Variants in OR2B2 observed in about 807,000 individuals in gnomAD.
The protein encoded by OR2B2 is olfactory receptor 2B2.
For synonymous variants in OR2B2, 137 were observed against 150.9 expected (o/e 0.91, Z 0.67); for missense variants, 362 against 422.4 (o/e 0.86, Z 1.25).
Position 27,911,278 on chromosome 6 carries a change from A to T in OR2B2, c.1042T>A (p.Tyr348Asn), listed in dbSNP as rs775993954. The T allele has an allele frequency of 2.5e-6, 4 of 1,581,244 alleles. No individual in the cohort carries two copies. In the African/African-American group the frequency reaches 5.5e-5, roughly 22 times the overall value. ...AATTTTCTTTGAGGGAGATTACAAT[A>T]GTTTTCTATAGTAATGACAAAAATA... ...CPIFVITIEN[Y>N]CNLPQRKFP Residue 348 changes from tyrosine to asparagine, a missense_variant, in exon 1 of 1, where the codon TAT becomes AAT. Coordinates refer to ENST00000303324, the MANE Select transcript of OR2B2 (RefSeq NM_033057.2).
Position 27,912,069 on chromosome 6 carries a change from T to G in OR2B2, c.251A>C (p.Asn84Thr). Residue 84 changes from asparagine (N) to threonine (T), a missense_variant, in exon 1 of 1, where the codon AAC (asparagine) becomes ACC (threonine). Physicochemically the swap from Asn to Thr is moderately conservative, Grantham distance 65 (BLOSUM62 0). Coordinates refer to ENST00000303324, the MANE Select transcript of OR2B2 (RefSeq NM_033057.2). ...GATTACTTTCCTGGTGTTGCATATG[T>G]TTACCAGCATTTGTGGAACTGTACT... The part of the protein sequence containing the change: ...TTSTVPQMLV[N>T]ICNTRKVISY... 1 of 1,614,192 alleles carries G rather than the reference T, an allele frequency of 6.2e-7. No individual in the cohort carries two copies.
At position 27,912,356 on chromosome 6, in the gene OR2B2, G is replaced by C. The variant is rs1464160462; in HGVS notation, c.-37C>G. 1 of 1,303,844 alleles carries C rather than the reference G, an allele frequency of 7.7e-7. No individual in the cohort carries two copies. The highest frequency in any genetic ancestry group is 1.5e-5 in the African/African-American group (1 of 67,562). 80.8% of individuals were successfully genotyped at this position (1,303,844 alleles called of 1,614,324 possible). ...CAACTCTTCGTTCTCTGAAATATAA[G>C]AAGTCAGGAAGTTAACAACACACTT... On this transcript the variant is annotated 5_prime_UTR_variant, in exon 1 of 1. Transcript: ENST00000303324.
rs1385046991 is a variant in OR2B2 at position 27,911,673 on chromosome 6, A to T, written c.647T>A (p.Ile216Lys). The T allele has an allele frequency of 4.3e-6, 7 of 1,613,968 alleles. No individual in the cohort carries two copies. The highest frequency in any genetic ancestry group is 5.1e-6 in the Non-Finnish European group (6 of 1,180,000). ...FLLIPVTLIL[I>K]SYAFIVQAVL... ...TGCTTGGACAATAAAAGCATACGATATAAGGATGAGTGTCACGGGTATTAG... is the reference window on the plus strand; with the variant it reads ...TGCTTGGACAATAAAAGCATACGATTTAAGGATGAGTGTCACGGGTATTAG... Residue 216 changes from isoleucine (I) to lysine (K), a missense_variant, in exon 1 of 1, where the codon ATA (isoleucine) becomes AAA (lysine). By Grantham distance (102) the Ile-to-Lys change is moderately radical. Coordinates refer to ENST00000303324, the MANE Select transcript of OR2B2 (RefSeq NM_033057.2).
At position 27,911,188 on chromosome 6, in the gene OR2B2, AT is replaced by A; in HGVS notation, c.*57del. The A allele has an allele frequency of 8.7e-7, 1 of 1,149,692 alleles. No homozygotes were observed. 71.2% of individuals were successfully genotyped at this position (1,149,692 alleles called of 1,614,324 possible). A position where few individuals can be genotyped will look rare whatever the true frequency, so the allele number is the denominator to read the frequency against. ...CAGTTTTTGGTGCATTGGAAGGCCA[AT>A]TCTGGGGGCTTGTTCAATGAAAATG... On this transcript the variant is annotated 3_prime_UTR_variant, in exon 1 of 1. Coordinates refer to ENST00000303324, the MANE Select transcript of OR2B2 (RefSeq NM_033057.2).
In OR2B2 at chr6:27,911,197, G is replaced by T; in HGVS notation, c.*49C>A. ...GTGCATTGGAAGGCCAATTCTGGGG[G>T]CTTGTTCAATGAAAATGTTTAGGCA... On this transcript the variant is annotated 3_prime_UTR_variant, in exon 1 of 1. Transcript: ENST00000303324. The T allele has an allele frequency of 8.3e-7, 1 of 1,207,596 alleles. No individual in the cohort carries two copies. Among genetic ancestry groups the T allele is most frequent in the Non-Finnish European group, 1.2e-6 (1 of 852,960 alleles). 74.8% of individuals were successfully genotyped at this position (1,207,596 alleles called of 1,614,324 possible).
rs766189013 is a variant in OR2B2, at chr6:27,911,480, G to T, written c.840C>A (p.Ile280=). ...TAAGGGGATTCAGCATGGGTGCAATGATTCCACAGAAGAGAGAAACCATCT... is the reference window on the plus strand; with the variant it reads ...TAAGGGGATTCAGCATGGGTGCAATTATTCCACAGAAGAGAGAAACCATCT... ...RGKMVSLFCG[I]IAPMLNPLIY... is the part of the protein sequence containing the mutation. The change falls in exon 1 of 1, where the codon ATC becomes ATA. Residue 280 remains isoleucine, a synonymous_variant. Coordinates refer to ENST00000303324, the MANE Select transcript of OR2B2 (RefSeq NM_033057.2). 1.2e-6 allele frequency: 2 copies of T among 1,614,174 alleles called. No homozygotes were observed. Among genetic ancestry groups the T allele is most frequent in the Non-Finnish European group, 1.7e-6 (2 of 1,180,028 alleles).
At position 27,911,869 on chromosome 6, in the gene OR2B2, T is replaced by G. The variant is rs371559998; in HGVS notation, c.451A>C (p.Ser151Arg). Residue 151 changes from serine to arginine, a missense_variant, in exon 1 of 1, where the codon AGT becomes CGT. Physicochemically the swap from Ser to Arg is moderately radical, Grantham distance 110 (BLOSUM62 -1). Transcript: ENST00000303324. ...CFQLAAASWISGFSNSVLQST... is the reference protein window; with the variant it reads ...CFQLAAASWIRGFSNSVLQST... ...TGTAATACTGAATTGCTAAAGCCAC[T>G]AATCCAGGATGCAGCTGCCAACTGG... The G allele has an allele frequency of 8.8e-5, 142 of 1,614,044 alleles. 1 individual carries two copies. The highest frequency in any genetic ancestry group is 1.6e-4 in the South Asian group (15 of 91,080).
chr6:27,911,368 G>A lies in OR2B2; in HGVS notation c.952C>T (p.Gln318Ter). The change falls in exon 1 of 1, where the codon CAA becomes TAA. Residue 318 changes from glutamine (Q) to a stop codon, truncating the protein, a stop_gained. Coordinates refer to ENST00000303324, the MANE Select transcript of OR2B2 (RefSeq NM_033057.2). LOFTEE classifies it low-confidence loss of function (END_TRUNC). ...GTGTCTTTAGCAAAGCTTATCATTT[G>A]CATATTTCTTATTTCTTGATTAAGA... is the stretch of plus-strand genomic sequence containing the variant. ...SLLNQEIRNM[Q>*]MISFAKDTVL... The A allele has an allele frequency of 1.2e-6, 2 of 1,613,904 alleles. No individual in the cohort carries two copies. The highest frequency in any genetic ancestry group is 2.2e-5 in the South Asian group (2 of 91,060).
rs1561758818 is a variant in OR2B2, at chr6:27,911,993, G to C, written c.327C>G (p.Ser109=). The part of the protein sequence containing the change: ...AQLFIFLALG[S]TECLLLAVMC... ...TGACGGCCAGGAGAAGACATTCTGT[G>C]GAACCCAAGGCCAGGAAAATGAAAA... The change falls in exon 1 of 1, where the codon TCC becomes TCG. Residue 109 remains serine (S), a synonymous_variant. Coordinates refer to ENST00000303324, the MANE Select transcript of OR2B2 (RefSeq NM_033057.2). 3 of 1,614,176 alleles carry C rather than the reference G, an allele frequency of 1.9e-6. No individual in the cohort carries two copies. Among genetic ancestry groups the C allele is most frequent in the Non-Finnish European group, 2.5e-6 (3 of 1,180,040 alleles).
chr6:27,912,088 C>G lies in OR2B2; in HGVS notation c.232G>C (p.Val78Leu). 6.2e-7 allele frequency: 1 copy of G among 1,614,146 alleles called. No homozygotes were observed. Among genetic ancestry groups the G allele is most frequent in the African/African-American group, 1.3e-5 (1 of 75,020 alleles). The change falls in exon 1 of 1, where the codon GTT (valine) becomes CTT (leucine). Residue 78 changes from valine to leucine, a missense_variant. Val to Leu is a conservative substitution (Grantham distance 32). Coordinates refer to ENST00000303324, the MANE Select transcript of OR2B2 (RefSeq NM_033057.2). ...CATATGTTTACCAGCATTTGTGGAA[C>G]TGTACTTGTGGTATAGCAAAGGTCC... Reference protein sequence around the residue: ...LLDLCYTTSTVPQMLVNICNT... With the variant: ...LLDLCYTTSTLPQMLVNICNT...
chr6:27,911,509 C>A lies in OR2B2; in HGVS notation c.811G>T (p.Gly271Ter), dbSNP rs201596071. ...CCACAGAAGAGAGAAACCATCTTTC[C>A]CCGGTCTTTGGAGCTGGGTGAAGGT... ...QPPSPSSKDR[G>*]KMVSLFCGII... The change falls in exon 1 of 1, where the codon GGA (glycine) becomes TGA (stop). Residue 271 changes from glycine (G) to a stop codon, truncating the protein, a stop_gained. Transcript: ENST00000303324. LOFTEE classifies it low-confidence loss of function (END_TRUNC). 3 of 1,613,962 alleles carry A rather than the reference C, an allele frequency of 1.9e-6. No individual in the cohort carries two copies. The highest frequency in any genetic ancestry group is 2.5e-6 in the Non-Finnish European group (3 of 1,180,028).
In OR2B2 at chr6:27,912,149, G is replaced by T. The variant is rs746305654; in HGVS notation, c.171C>A (p.Thr57=). Reference sequence around the variant, plus strand: ...GATTGCTAAGAAAAAAGTACATAGGGGTGTGGAGTTTGAAATCCACATGTG... The same window carrying T: ...GATTGCTAAGAAAAAAGTACATAGGTGTGTGGAGTTTGAAATCCACATGTG... ...LVSHVDFKLH[T]PMYFFLSNLS... Residue 57 remains threonine (T), a synonymous_variant, in exon 1 of 1, where the codon ACC becomes ACA. Transcript: ENST00000303324. 2 of 1,614,008 alleles carry T rather than the reference G, an allele frequency of 1.2e-6. No individual in the cohort carries two copies. Among genetic ancestry groups the T allele is most frequent in the African/African-American group, 1.3e-5 (1 of 74,900 alleles).
In OR2B2 at chr6:27,911,408, C is replaced by G; in HGVS notation, c.912G>C (p.Leu304Phe). The G allele has an allele frequency of 6.2e-7, 1 of 1,614,026 alleles. No individual in the cohort carries two copies. The highest frequency in any genetic ancestry group is 8.5e-7 in the Non-Finnish European group (1 of 1,179,980). Residue 304 changes from leucine to phenylalanine, a missense_variant, in exon 1 of 1, where the codon TTG becomes TTC. Leu to Phe is a conservative substitution (Grantham distance 22, BLOSUM62 0). Coordinates refer to ENST00000303324, the MANE Select transcript of OR2B2 (RefSeq NM_033057.2). ...CTTGATTAAGAAGACTCTTTGCAAC[C>G]AACCTTTTAAAGGCTTCCTTTACCT... Reference protein sequence around the residue: ...NKEVKEAFKRLVAKSLLNQEI... With the variant: ...NKEVKEAFKRFVAKSLLNQEI...
Position 27,911,536 on chromosome 6 carries a change from G to C in OR2B2, c.784C>G (p.Pro262Ala). 1.2e-6 allele frequency: 2 copies of C among 1,614,062 alleles called. No individual in the cohort carries two copies. Among genetic ancestry groups the C allele is most frequent in the South Asian group, 2.2e-5 (2 of 91,046 alleles). The change falls in exon 1 of 1, where the codon CCA becomes GCA. Residue 262 changes from proline to alanine, a missense_variant. By Grantham distance (27) the Pro-to-Ala change is conservative. Coordinates refer to ENST00000303324, the MANE Select transcript of OR2B2 (RefSeq NM_033057.2). ...CGGTCTTTGGAGCTGGGTGAAGGTG[G>C]TTGCAGGTACATGGAGATAGCTGTA... ...YGTAISMYLQ[P>A]PSPSSKDRGK...
At position 27,911,771 on chromosome 6, in the gene OR2B2, A is replaced by AG; in HGVS notation, c.548dup (p.Leu184SerfsTer8). 6.2e-7 allele frequency: 1 copy of AG among 1,613,988 alleles called. No individual in the cohort carries two copies. Among genetic ancestry groups the AG allele is most frequent in the Non-Finnish European group, 8.5e-7 (1 of 1,179,918 alleles). Reference sequence around the variant, plus strand: ...TGTCAACACAGGACAACTTGAGCAGAGCAGGGACTTCACAGAAGAAGTGAT... The same window carrying AG: ...TGTCAACACAGGACAACTTGAGCAGAGGCAGGGACTTCACAGAAGAAGTGAT... On this transcript the variant is annotated frameshift_variant, in exon 1 of 1. Coordinates refer to ENST00000303324, the MANE Select transcript of OR2B2 (RefSeq NM_033057.2). LOFTEE classifies it low-confidence loss of function (END_TRUNC).
chr6:27,911,937 C>G lies in OR2B2; in HGVS notation c.383G>C (p.Arg128Pro). 3.1e-6 allele frequency: 5 copies of G among 1,614,034 alleles called. No individual in the cohort carries two copies. The highest frequency in any genetic ancestry group is 3.4e-6 in the Non-Finnish European group (4 of 1,180,006). ...CATGATAATTGAGTAATGGAGAGGC[C>G]GACAAATAGCTACAAACCTATCAAA... is the stretch of plus-strand genomic sequence containing the variant. ...MCFDRFVAIC[R>P]PLHYSIIMHQ... Residue 128 changes from arginine (R) to proline (P), a missense_variant, in exon 1 of 1, where the codon CGG (arginine) becomes CCG (proline). Arg to Pro is a moderately radical substitution (Grantham distance 103, BLOSUM62 -2). Transcript: ENST00000303324.
chr6:27,912,053 C>A lies in OR2B2; in HGVS notation c.267G>T (p.Arg89Ser). 1 of 1,614,166 alleles carries A rather than the reference C, an allele frequency of 6.2e-7. No homozygotes were observed. Among genetic ancestry groups the A allele is most frequent in the Non-Finnish European group, 8.5e-7 (1 of 1,180,028 alleles). ...CACAGCCACCATAACTGATTACTTT[C>A]CTGGTGTTGCATATGTTTACCAGCA... ...PQMLVNICNT[R>S]KVISYGGCVA... is the part of the protein sequence containing the mutation. The change falls in exon 1 of 1, where the codon AGG becomes AGT. Residue 89 changes from arginine to serine, a missense_variant. Transcript: ENST00000303324.
Position 27,912,347 on chromosome 6 carries a change from G to GA in OR2B2, c.-29dup. 1 of 1,381,990 alleles carries GA rather than the reference G, an allele frequency of 7.2e-7. No individual in the cohort carries two copies. 85.6% of individuals were successfully genotyped at this position (1,381,990 alleles called of 1,614,324 possible). A position where few individuals can be genotyped will look rare whatever the true frequency, so the allele number is the denominator to read the frequency against. On this transcript the variant is annotated 5_prime_UTR_variant, in exon 1 of 1. Transcript: ENST00000303324. ...TAAATGGTTCAACTCTTCGTTCTCT[G>GA]AAATATAAGAAGTCAGGAAGTTAAC...
Position 27,912,257 on chromosome 6 carries a change from T to C in OR2B2, c.63A>G (p.Pro21=). The C allele has an allele frequency of 6.2e-7, 1 of 1,613,758 alleles. No individual in the cohort carries two copies. Residue 21 remains proline (P), a synonymous_variant, in exon 1 of 1, where the codon CCA becomes CCG. Transcript: ENST00000303324. Reference sequence around the variant, plus strand: ...TCACAAAGGGTGGAATCTCTAGCCATGGTTGATCTGAGAAAACTAACAGAA... The same window carrying C: ...TCACAAAGGGTGGAATCTCTAGCCACGGTTGATCTGAGAAAACTAACAGAA... ...EFILLVFSDQ[P]WLEIPPFVMF... is the part of the protein sequence containing the mutation.
Sources: gnomAD v4.1 joint callset for allele counts on GRCh38, gnomAD v4.1.1 for gene constraint, MANE v1.5 for transcripts, NCBI Gene and HGNC (gene_info 2026-07-23, HGNC 2026-07-21) for gene names.